The following UNC5D variants were observed in gnomAD, a reference collection of about 807,000 sequenced individuals.
UNC5D encodes the protein netrin receptor UNC5D.
UNC5D carries 39 observed loss-of-function variants against 105.4 expected under a neutral mutation model. The ratio of observed to expected loss-of-function variants is 0.37; its 90% CI spans 0.29 to 0.48. UNC5D has a LOEUF of 0.48. Among genes scored for constraint, UNC5D ranks in the 20% least tolerant of loss-of-function variants. UNC5D has a pLI of 0.98. For missense variants in UNC5D, 991 were observed against 1,202.4 expected (o/e 0.82, Z 2.60); for synonymous variants, 452 against 450.4 (o/e 1.00, Z -0.04).
chr8:35,736,358 G>A (rs1478405756), intron 11 of UNC5D, among the ~76,000 whole-genome samples: 7 of 152,148 alleles, frequency 4.6e-5, no homozygotes, highest in East Asian at 1.9e-4. Context: ...GCTATACAGC[G>A]AGACCCTGTC....
At chr8:35,567,997 G>A in intron 2 of UNC5D, 101 bp from the exon 3 acceptor site, 2 of 1,507,562 alleles carry the variant, frequency 1.3e-6, no homozygotes, top group Non-Finnish European at 1.8e-6. Flanking sequence ...ATTAAAAACA[G>A]GATTGTTTAA....
intron 1 of UNC5D, among the ~76,000 whole-genome samples, chr8:35,278,914 T>C (rs1333863912): frequency 2.6e-5 from 4 of 152,190 alleles, no homozygotes; most frequent in African/African-American, 9.6e-5. Context: ...CTATCAGATA[T>C]CTTTAAAAAA....
chr8:35,681,128 GA>G (rs1434204890), intron 4 of UNC5D, among the ~76,000 whole-genome samples: 3 of 152,132 alleles, frequency 2.0e-5, no homozygotes, highest in Non-Finnish European at 2.9e-5. Context: ...GGCAAGAATA[GA>G]AGCCACAGAC....
chr8:35,694,879 C>A (rs1038676288), intron 7 of UNC5D, among the ~76,000 whole-genome samples: 1 of 152,016 alleles, frequency 6.6e-6, no homozygotes, highest in Non-Finnish European at 1.5e-5. Context: ...CCATGCCCAG[C>A]ACATGTGTGT....
intron 7 of UNC5D, among the ~76,000 whole-genome samples, chr8:35,691,742 C>T (rs888043149): frequency 2.0e-5 from 3 of 152,158 alleles, no homozygotes; most frequent in African/African-American, 7.2e-5. Context: ...TTTCTCCTTG[C>T]TGTACATACC....
intron 1 of UNC5D, among the ~76,000 whole-genome samples, chr8:35,242,711 G>A (rs1802875415): frequency 1.3e-5 from 2 of 152,040 alleles, no homozygotes; most frequent in South Asian, 4.1e-4. Flanking sequence ...CTGACCTCGG[G>A]ATCTGCCCAC....
At chr8:35,717,534 T>A (rs1828319639) in intron 8 of UNC5D, among the ~76,000 whole-genome samples, 1 of 152,204 alleles carries the variant, frequency 6.6e-6, no homozygotes, top group Non-Finnish European at 1.5e-5. Context: ...AAAGGTCATT[T>A]AGTCCTTCTC....
chr8:35,629,975 A>C (rs545465438), intron 4 of UNC5D, among the ~76,000 whole-genome samples: 1 of 152,154 alleles, frequency 6.6e-6, no homozygotes, highest in Non-Finnish European at 1.5e-5. Flanking sequence ...CTTTATATTG[A>C]ATTATTCATT....
At chr8:35,756,750 T>C (rs1230416164) in intron 13 of UNC5D, among the ~76,000 whole-genome samples, 1 of 152,146 alleles carries the variant, frequency 6.6e-6, no homozygotes, top group Non-Finnish European at 1.5e-5. Flanking sequence ...CACTTGGTGC[T>C]CTAAATCTTA....
At chr8:35,629,333 T>C (rs925512277) in intron 4 of UNC5D, among the ~76,000 whole-genome samples, 2 of 152,246 alleles carry the variant, frequency 1.3e-5, no homozygotes, top group African/African-American at 2.4e-5. Flanking sequence ...GTTGGCTGTT[T>C]GTATTTCTTC....
chr8:35,778,984 T>C (rs539915160), intron 16 of UNC5D, among the ~76,000 whole-genome samples: 1 of 152,324 alleles, frequency 6.6e-6, no homozygotes, highest in Admixed American at 6.5e-5. Context: ...TTGCCTGGCA[T>C]ATGGATCACG....
chr8:35,438,260 G>A (rs1443128039), intron 1 of UNC5D, among the ~76,000 whole-genome samples: 2 of 151,964 alleles, frequency 1.3e-5, no homozygotes, highest in East Asian at 3.9e-4. Context: ...TATATATTTT[G>A]ACCTTTCTGA....
At chr8:35,289,062 G>A (rs2128859124) in intron 1 of UNC5D, among the ~76,000 whole-genome samples, 1 of 152,120 alleles carries the variant, frequency 6.6e-6, no homozygotes, top group South Asian at 2.1e-4. Flanking sequence ...ATATAGAGTG[G>A]CTGAATGGAT....
intron 1 of UNC5D, among the ~76,000 whole-genome samples, chr8:35,283,987 T>C (rs1430056354): frequency 2.0e-5 from 3 of 152,234 alleles, no homozygotes; most frequent in Non-Finnish European, 2.9e-5. Context: ...TTGAAAGTTT[T>C]AACAAGAGTA....
intron 1 of UNC5D, among the ~76,000 whole-genome samples, chr8:35,533,709 C>A (rs554368673): frequency 6.6e-6 from 1 of 152,220 alleles, no homozygotes; most frequent in Non-Finnish European, 1.5e-5. Context: ...ATTCCGTGGG[C>A]GTAGGACCCT....
chr8:35,552,959 A>T (rs1018909296), intron 2 of UNC5D, among the ~76,000 whole-genome samples: 1 of 152,172 alleles, frequency 6.6e-6, no homozygotes, highest in Non-Finnish European at 1.5e-5. Flanking sequence ...AATTAGTACA[A>T]CTAAAAAGGA....
chr8:35,609,127 A>G (rs979568974), intron 4 of UNC5D, among the ~76,000 whole-genome samples: 2 of 152,124 alleles, frequency 1.3e-5, no homozygotes, highest in African/African-American at 4.8e-5. Context: ...GTGGTATTTC[A>G]TAGTGGCTTT....
intron 1 of UNC5D, among the ~76,000 whole-genome samples, chr8:35,258,651 TTAA>T (rs1271773117): frequency 6.6e-6 from 1 of 152,146 alleles, no homozygotes; most frequent in Admixed American, 6.5e-5. Context: ...ACATTTATTA[TTAA>T]TACTACTGCT....
intron 1 of UNC5D, among the ~76,000 whole-genome samples, chr8:35,452,939 T>C (rs1241099424): frequency 2.0e-5 from 3 of 152,156 alleles, no homozygotes; most frequent in Admixed American, 2.0e-4. Context: ...ATCTTTTTAC[T>C]ACTGGGGCCT....
Sources: allele counts gnomAD v4.1 joint callset (sites outside exome capture counted in the v4.1 genomes callset), GRCh38; gene constraint gnomAD v4.1.1; transcripts MANE v1.5; gene names NCBI Gene and HGNC (gene_info 2026-07-23, HGNC 2026-07-21).